The following NAALADL2 variants were observed in gnomAD, a reference collection of about 807,000 sequenced individuals.
NAALADL2 encodes the protein N-acetylated alpha-linked acidic dipeptidase like 2.
NAALADL2 carries 76 observed loss-of-function variants against 87.2 expected under a neutral mutation model. That is an observed-to-expected ratio of 0.87 (90% confidence interval 0.72 to 1.05). The LOEUF (loss-of-function observed/expected upper bound fraction) is 1.05. Ranked by LOEUF, NAALADL2 falls within the 50% of genes least tolerant of loss-of-function variation. The probability of loss-of-function intolerance (pLI) is 0.00; values close to 1 mark genes in which losing one functional copy is unlikely to be tolerated. For missense variants in NAALADL2, 1,089 were observed against 945.8 expected (o/e 1.15, Z -1.99); for synonymous variants, 354 against 331.0 (o/e 1.07, Z -0.75).
At chr3:175,389,161 G>T (rs1287661665) in intron 5 of NAALADL2, among the ~76,000 whole-genome samples, 1 of 152,040 alleles carries the variant, frequency 6.6e-6, no homozygotes, top group African/African-American at 2.4e-5. Flanking sequence ...AAATTATAAA[G>T]TTATAAATTA....
intron 1 of NAALADL2, among the ~76,000 whole-genome samples, chr3:175,033,303 C>T (rs886557429): frequency 2.6e-5 from 4 of 152,000 alleles, no homozygotes; most frequent in Non-Finnish European, 4.4e-5. Context: ...CTTCTCTGAC[C>T]GTGCTACCTT....
At chr3:175,229,975 G>C (rs1327341515) in intron 2 of NAALADL2, among the ~76,000 whole-genome samples, 1 of 151,894 alleles carries the variant, frequency 6.6e-6, no homozygotes, top group Non-Finnish European at 1.5e-5. Context: ...ACATTATTAT[G>C]GATATGGAAG....
chr3:175,802,973 G>C (rs540989103), intron 13 of NAALADL2, 32 bp from the exon 14 acceptor site: 1 of 1,465,336 alleles, frequency 6.8e-7, no homozygotes, highest in African/African-American at 1.4e-5. Context: ...CATTGTGCAT[G>C]AAACATTTAT....
At chr3:175,686,939 T>C (rs1180969993) in intron 11 of NAALADL2, among the ~76,000 whole-genome samples, 1 of 152,174 alleles carries the variant, frequency 6.6e-6, no homozygotes, top group African/African-American at 2.4e-5. Context: ...TTATTTAATA[T>C]CACTCTGTGG....
intron 1 of NAALADL2, among the ~76,000 whole-genome samples, chr3:174,966,291 A>G (rs1432029748): frequency 1.3e-5 from 2 of 152,194 alleles, no homozygotes; most frequent in Non-Finnish European, 2.9e-5. Context: ...GCCATAGGCT[A>G]CATCCCCAAT....
chr3:175,272,920 T>C (rs1418541927), intron 4 of NAALADL2, among the ~76,000 whole-genome samples: 1 of 151,986 alleles, frequency 6.6e-6, no homozygotes, highest in African/African-American at 2.4e-5. Flanking sequence ...AAAATAAATA[T>C]AATTATGGCA....
chr3:175,118,137 A>G (rs1167022775), intron 2 of NAALADL2, among the ~76,000 whole-genome samples: 2 of 151,652 alleles, frequency 1.3e-5, no homozygotes, highest in African/African-American at 2.4e-5. Context: ...GAGGCCAGTC[A>G]TTAGGAGATA....
At chr3:175,793,312 T>C (rs1223764559) in intron 13 of NAALADL2, among the ~76,000 whole-genome samples, 13 of 149,318 alleles carry the variant, frequency 8.7e-5, no homozygotes, top group Non-Finnish European at 1.3e-4. Flanking sequence ...TCTTTCTTTT[T>C]TTTTTTTTTT....
chr3:175,463,900 C>G (rs1477344581), intron 7 of NAALADL2, among the ~76,000 whole-genome samples: 1 of 152,080 alleles, frequency 6.6e-6, no homozygotes, highest in Admixed American at 6.6e-5. Flanking sequence ...TTTTCTTTTT[C>G]CTCACTGCAG....
chr3:175,736,258 C>A (rs1744489864), intron 11 of NAALADL2, among the ~76,000 whole-genome samples: 1 of 152,120 alleles, frequency 6.6e-6, no homozygotes, highest in African/African-American at 2.4e-5. Context: ...ACGAAGATTG[C>A]AGATATGAGC....
intron 1 of NAALADL2, among the ~76,000 whole-genome samples, chr3:174,537,057 A>T (rs1187470503): frequency 6.6e-6 from 1 of 152,178 alleles, no homozygotes; most frequent in African/African-American, 2.4e-5. Flanking sequence ...AATATCAATG[A>T]TACACATTCA....
At chr3:175,307,799 A>G (rs1321828515) in intron 4 of NAALADL2, among the ~76,000 whole-genome samples, 1 of 152,136 alleles carries the variant, frequency 6.6e-6, no homozygotes, top group African/African-American at 2.4e-5. Flanking sequence ...TAGTGTAAAG[A>G]GTGAGTAATA....
rs1200315479 is a variant in NAALADL2 at position 175,365,867 on chromosome 3, TC to T, written c.1090+41543del. On this transcript the variant is annotated intron_variant, in intron 5 of 13. Coordinates refer to ENST00000454872, the MANE Select transcript of NAALADL2 (RefSeq NM_207015.3). Reference sequence around the variant, plus strand: ...TTTTTTAAGCATCTGAACTTTATTATCTTTTTTTAATTATTATTATACTTTA... The same window carrying T: ...TTTTTTAAGCATCTGAACTTTATTATTTTTTTTAATTATTATTATACTTTA... Among the ~76,000 whole-genome samples, 23 of 147,352 alleles carry T rather than the reference TC, an allele frequency of 1.6e-4. 2 individuals are homozygous for T. The highest frequency in any genetic ancestry group is 1.5e-3 in the Admixed American group (21 of 14,342).
intron 4 of NAALADL2, among the ~76,000 whole-genome samples, chr3:175,313,540 A>G (rs1259604131): frequency 3.9e-5 from 6 of 152,178 alleles, no homozygotes; most frequent in African/African-American, 1.4e-4. Context: ...AGCAAAAGTA[A>G]AAAGATCGGG....
At chr3:175,687,140 G>T (rs1736404543) in intron 11 of NAALADL2, among the ~76,000 whole-genome samples, 1 of 151,978 alleles carries the variant, frequency 6.6e-6, no homozygotes, top group African/African-American at 2.4e-5. Flanking sequence ...TGTCTTAAAT[G>T]GCAAATTTGA....
chr3:175,283,975 G>GA (rs113334435), intron 4 of NAALADL2, among the ~76,000 whole-genome samples: 30,205 of 151,420 alleles, frequency 0.2, 3,303 homozygotes, highest in Middle Eastern at 0.28. Context: ...TTATAAACAG[G>GA]AAAAAAAATA....
At chr3:174,737,470 AG>A (rs1331781073) in intron 2 of NAALADL2, among the ~76,000 whole-genome samples, 2 of 152,262 alleles carry the variant, frequency 1.3e-5, no homozygotes, top group Non-Finnish European at 2.9e-5. Flanking sequence ...AAAAATAAAA[AG>A]TCTATACATT....
At chr3:174,462,254 G>C (rs1424211668) in intron 1 of NAALADL2, among the ~76,000 whole-genome samples, 1 of 151,834 alleles carries the variant, frequency 6.6e-6, no homozygotes, top group Non-Finnish European at 1.5e-5. Flanking sequence ...GTTTGTCCTT[G>C]GTTGTTGCAA....
intron 2 of NAALADL2, among the ~76,000 whole-genome samples, chr3:175,190,047 A>C (rs535412980): frequency 6.6e-6 from 1 of 152,198 alleles, no homozygotes; most frequent in African/African-American, 2.4e-5. Flanking sequence ...TCATATGCAA[A>C]AATCAACTTA....
Sources: gnomAD v4.1 joint callset for allele counts (sites outside exome capture counted in the v4.1 genomes callset) on GRCh38, gnomAD v4.1.1 for gene constraint, MANE v1.5 for transcripts, NCBI Gene and HGNC (gene_info 2026-07-23, HGNC 2026-07-21) for gene names.